KCNB2: variants seen among roughly 807,000 people sequenced by gnomAD.
The protein encoded by KCNB2 is potassium voltage-gated channel subfamily B member 2.
A neutral mutation model predicts 61.5 loss-of-function variants in KCNB2; 15 were observed. The ratio of observed to expected loss-of-function variants is 0.24; its 90% CI spans 0.16 to 0.38. KCNB2 has a LOEUF of 0.38. Among genes scored for constraint, KCNB2 ranks in the 10% least tolerant of loss-of-function variants. KCNB2 has a pLI of 1.00. For missense variants in KCNB2, 828 were observed against 1,125.2 expected (o/e 0.74, Z 3.78); for synonymous variants, 457 against 446.0 (o/e 1.02, Z -0.31).
chr8:72,846,567 G>A (rs28861746), intron 2 of KCNB2, among the ~76,000 whole-genome samples: 24 of 148,478 alleles, frequency 1.6e-4, no homozygotes, highest in African/African-American at 5.7e-4. Context: ...CAAAAAAAAA[G>A]AAAAAAAAAA....
intron 2 of KCNB2, among the ~76,000 whole-genome samples, chr8:72,648,250 G>A (rs749458716): frequency 2.0e-5 from 3 of 152,284 alleles, no homozygotes; most frequent in Middle Eastern, 3.4e-3. Flanking sequence ...ATTTTAAGCT[G>A]TGCTTTAGGT....
chr8:72,555,242 C>G (rs139462913), intron 1 of KCNB2, among the ~76,000 whole-genome samples: 1 of 151,648 alleles, frequency 6.6e-6, no homozygotes, highest in South Asian at 2.1e-4. Flanking sequence ...TCTCACCATG[C>G]GAATTAACTG....
chr8:72,751,137 G>T (rs1420070035), intron 2 of KCNB2: 1 of 152,092 alleles, frequency 6.6e-6, no homozygotes, highest in African/African-American at 2.4e-5. Context: ...ATGCAGGTAG[G>T]AAGCAGGAGA....
At chr8:72,545,073 G>T (rs1189439392) in intron 1 of KCNB2, among the ~76,000 whole-genome samples, 1 of 152,130 alleles carries the variant, frequency 6.6e-6, no homozygotes, top group Non-Finnish European at 1.5e-5. Context: ...ACTATATTCT[G>T]CTCTCTGGCT....
intron 2 of KCNB2, among the ~76,000 whole-genome samples, chr8:72,589,646 T>C (rs1273857869): frequency 6.6e-6 from 1 of 152,226 alleles, no homozygotes; most frequent in Non-Finnish European, 1.5e-5. Context: ...TCTGTTGACA[T>C]ATTTTTAAAC....
chr8:72,662,862 T>C (rs1049397341), intron 2 of KCNB2, among the ~76,000 whole-genome samples: 2 of 152,202 alleles, frequency 1.3e-5, no homozygotes, highest in Non-Finnish European at 1.5e-5. Flanking sequence ...TTCAAGAGTG[T>C]GCAATTCAAC....
intron 2 of KCNB2, among the ~76,000 whole-genome samples, chr8:72,794,833 G>C (rs1460778287): frequency 6.6e-6 from 1 of 152,150 alleles, no homozygotes; most frequent in Non-Finnish European, 1.5e-5. Context: ...GATGGCTTAA[G>C]AGTATCTGGA....
chr8:72,641,593 G>T (rs1373601868), intron 2 of KCNB2, among the ~76,000 whole-genome samples: 1 of 152,026 alleles, frequency 6.6e-6, no homozygotes. Context: ...ATAAACCAAT[G>T]AAACTAGATA....
intron 2 of KCNB2, among the ~76,000 whole-genome samples, chr8:72,640,280 GAC>G (rs1806034055): frequency 6.6e-6 from 1 of 152,124 alleles, no homozygotes; most frequent in South Asian, 2.1e-4. Context: ...GCCTGTGCCA[GAC>G]ACACAGCAGG....
chr8:72,555,973 A>G (rs1806419952), intron 1 of KCNB2, among the ~76,000 whole-genome samples: 2 of 151,792 alleles, frequency 1.3e-5, no homozygotes, highest in African/African-American at 4.8e-5. Context: ...GTTTTTGAAT[A>G]TTTTCTCTCT....
intron 2 of KCNB2, among the ~76,000 whole-genome samples, chr8:72,928,168 G>A (rs188973012): frequency 6.6e-6 from 1 of 151,054 alleles, no homozygotes; most frequent in East Asian, 1.9e-4. Flanking sequence ...GGAGAAAAGT[G>A]AGGACTTCTT....
chr8:72,632,082 A>AT (rs74872081), intron 2 of KCNB2, among the ~76,000 whole-genome samples: 33 of 150,400 alleles, frequency 2.2e-4, no homozygotes, highest in South Asian at 6.4e-4. Flanking sequence ...TTAAAAAAAG[A>AT]TTTTTTTTTT....
At chr8:72,719,779 A>G (rs1046953687) in intron 2 of KCNB2, among the ~76,000 whole-genome samples, 1 of 152,084 alleles carries the variant, frequency 6.6e-6, no homozygotes, top group African/African-American at 2.4e-5. Flanking sequence ...AAAAAATAAA[A>G]CAAAACAAAA....
At chr8:72,848,955 T>G (rs910818404) in intron 2 of KCNB2, among the ~76,000 whole-genome samples, 1 of 151,272 alleles carries the variant, frequency 6.6e-6, no homozygotes. Context: ...GTTATTACAC[T>G]TTTTAAACTT....
intron 2 of KCNB2, among the ~76,000 whole-genome samples, chr8:72,933,032 C>T (rs747732659): frequency 5.7e-4 from 86 of 152,176 alleles, no homozygotes; most frequent in Non-Finnish European, 1.9e-4. Flanking sequence ...TGAATTTCAA[C>T]ATGAGAAAGA....
chr8:72,850,254 C>G (rs1810076366), intron 2 of KCNB2, among the ~76,000 whole-genome samples: 1 of 150,778 alleles, frequency 6.6e-6, no homozygotes, highest in Non-Finnish European at 1.5e-5. Context: ...GAGTCTCACT[C>G]TGTCACCCAG....
chr8:72,561,762 G>GTAT (rs1563523556), intron 1 of KCNB2, among the ~76,000 whole-genome samples: 3 of 14,756 alleles, frequency 2.0e-4, no homozygotes, highest in Admixed American at 8.6e-4. Context: ...TATATATATG[G>GTAT]ATATATATAT....
At chr8:72,765,200 A>G (rs1808442604) in intron 2 of KCNB2, among the ~76,000 whole-genome samples, 1 of 152,158 alleles carries the variant, frequency 6.6e-6, no homozygotes, top group South Asian at 2.1e-4. Flanking sequence ...ATTAGGATGG[A>G]CTCTCACCCA....
intron 2 of KCNB2, among the ~76,000 whole-genome samples, chr8:72,613,325 A>G (rs915429775): frequency 6.6e-6 from 1 of 152,220 alleles, no homozygotes; most frequent in Admixed American, 6.5e-5. Flanking sequence ...GCAAGTCCTT[A>G]GGGAACCTGC....
Sources: allele counts gnomAD v4.1 joint callset (sites outside exome capture counted in the v4.1 genomes callset), GRCh38; gene constraint gnomAD v4.1.1; transcripts MANE v1.5; gene names NCBI Gene and HGNC (gene_info 2026-07-23, HGNC 2026-07-21).